The following KLHL26 variants were observed in gnomAD, a reference collection of about 807,000 sequenced individuals.
KLHL26 encodes the protein kelch-like protein 26.
In KLHL26, 4 loss-of-function variants were observed where a neutral mutation model predicts 7.1. That is an observed-to-expected ratio of 0.56 (90% CI 0.28 to 1.28). The LOEUF is 1.28. Among genes scored for constraint, KLHL26 ranks in the 50% most tolerant of loss-of-function variants. KLHL26 has a pLI of 0.11. For missense variants in KLHL26, 896 were observed against 924.6 expected, an observed-to-expected ratio of 0.97 and a Z score of 0.40; for synonymous variants, 465 against 414.1, an observed-to-expected ratio of 1.12 and a Z score of -1.49.
chr19:18,665,689 C>G (rs564715541), intron 2 of KLHL26, among the ~76,000 whole-genome samples: 2 of 152,356 alleles, frequency 1.3e-5, no homozygotes, highest in East Asian at 3.9e-4. Context: ...GAGAGCACCA[C>G]AGAGCAGGGC....
rs144575595 is a variant in KLHL26, at chr19:18,668,046, C to T, written c.649C>T (p.Arg217Trp). The change falls in exon 3 of 3, where the codon CGG becomes TGG. Residue 217 changes from arginine to tryptophan, a missense_variant. Coordinates refer to ENST00000300976, the MANE Select transcript of KLHL26 (RefSeq NM_018316.3). ...CCTGGTCTTCTTCCTGCAGAGCAAC[C>T]GGCTGCAGAGCTGTGCCGAGATCGA... is the stretch of plus-strand genomic sequence containing the variant. ...ERLVFFLQSNRLQSCAEIDLF... is the reference protein window; with the variant it reads ...ERLVFFLQSNWLQSCAEIDLF... 2.6e-5 allele frequency: 42 copies of T among 1,607,876 alleles called. No individual in the cohort carries two copies. Among genetic ancestry groups the T allele is most frequent in the Admixed American group, 1.0e-4 (6 of 60,004 alleles).
In KLHL26 at chr19:18,669,085, T is replaced by A. The variant is rs1228661664; in HGVS notation, c.1688T>A (p.Ile563Asn). The A allele has an allele frequency of 6.2e-7, 1 of 1,612,592 alleles. No individual in the cohort carries two copies. Among genetic ancestry groups the A allele is most frequent in the Non-Finnish European group, 8.5e-7 (1 of 1,179,930 alleles). The change falls in exon 3 of 3, where the codon ATC (isoleucine) becomes AAC (asparagine). Residue 563 changes from isoleucine (I) to asparagine (N), a missense_variant. Coordinates refer to ENST00000300976, the MANE Select transcript of KLHL26 (RefSeq NM_018316.3). ...GCCLLERKIY[I>N]VGGYNWRLNN... ...TGCCTGCTGGAGAGGAAGATCTACA[T>A]CGTCGGGGGCTACAACTGGCGTCTC...
At position 18,649,178 on chromosome 19, in the gene KLHL26, A is replaced by T. The variant is rs1230550128; in HGVS notation, c.83+12041A>T. Among the ~76,000 whole-genome samples, 1 of 152,134 alleles carries T rather than the reference A, an allele frequency of 6.6e-6. No homozygotes were observed. The highest frequency in any genetic ancestry group is 1.5e-5 in the Non-Finnish European group (1 of 68,034). On this transcript the variant is annotated intron_variant, in intron 1 of 2. Coordinates refer to ENST00000300976, the MANE Select transcript of KLHL26 (RefSeq NM_018316.3). The surrounding 1 kb of genome is among the most constrained non-coding windows in gnomAD (Gnocchi z 4.0). ...ACTGCTCGCCCTGTCGTCATGGTAC[A>T]TTCTCTGCTTGAGGACCCATGTCCC...
At chr19:18,637,923 C>T (rs1375171250) in intron 1 of KLHL26, among the ~76,000 whole-genome samples, 1 of 152,176 alleles carries the variant, frequency 6.6e-6, no homozygotes, top group Non-Finnish European at 1.5e-5. Flanking sequence ...CCCCATGGCC[C>T]AGTCCTGACA....
rs2145382199 is a variant in KLHL26, at chr19:18,649,853, TTCC to T, written c.83+12722_83+12724del. On this transcript the variant is annotated intron_variant, in intron 1 of 2. Transcript: ENST00000300976. The surrounding 1 kb of genome is among the most constrained non-coding windows in gnomAD (Gnocchi z 4.0). Reference sequence around the variant, plus strand: ...CGGCTGCGCCAGCAATTCCCTAGCATTCCTCCTCTGCAGAGTGGATTTTGGTGC... The same window carrying T: ...CGGCTGCGCCAGCAATTCCCTAGCATTCCTCTGCAGAGTGGATTTTGGTGC... Among the ~76,000 whole-genome samples, 1 of 152,120 alleles carries T rather than the reference TTCC, an allele frequency of 6.6e-6. No individual in the cohort carries two copies. Among genetic ancestry groups the T allele is most frequent in the Non-Finnish European group, 1.5e-5 (1 of 67,974 alleles).
chr19:18,651,504 A>T (rs763676559), intron 1 of KLHL26, among the ~76,000 whole-genome samples: 3 of 152,238 alleles, frequency 2.0e-5, no homozygotes, highest in Non-Finnish European at 2.9e-5. Flanking sequence ...CCTTATGAGA[A>T]GAGGGGAGGG....
chr19:18,652,604 A>C (rs2052272649), intron 1 of KLHL26, among the ~76,000 whole-genome samples: 1 of 150,632 alleles, frequency 6.6e-6, no homozygotes, highest in Non-Finnish European at 1.5e-5. Context: ...AAAAAAAAAA[A>C]AAAAGAGTTG....
chr19:18,652,168 G>T (rs1280157208), intron 1 of KLHL26, among the ~76,000 whole-genome samples: 2 of 152,170 alleles, frequency 1.3e-5, no homozygotes. Context: ...ATGAGCAAAG[G>T]TCCAGAGACA....
intron 1 of KLHL26, among the ~76,000 whole-genome samples, chr19:18,647,420 C>T (rs1196586745): frequency 6.6e-6 from 1 of 152,196 alleles, no homozygotes; most frequent in African/African-American, 2.4e-5. Flanking sequence ...GAGGCTTTCT[C>T]CTCACTCCAG....
rs199571792 is a variant in KLHL26, at chr19:18,667,740, C to T, written c.343C>T (p.Arg115Trp). 2.0e-5 allele frequency: 32 copies of T among 1,613,216 alleles called. No individual in the cohort carries two copies. The highest frequency in any genetic ancestry group is 5.3e-5 in the African/African-American group (4 of 75,074). The change falls in exon 3 of 3, where the codon CGG becomes TGG. Residue 115 changes from arginine to tryptophan, a missense_variant. By Grantham distance (101) the Arg-to-Trp change is moderately radical (BLOSUM62 -3). Transcript: ENST00000300976. ...ELKGVSARGL[R>W]HIIDFAYSAE... is the part of the protein sequence containing the mutation. ...GAAGGGCGTGTCGGCCCGTGGCCTGCGGCACATCATCGACTTCGCCTACAG... is the reference window on the plus strand; with the variant it reads ...GAAGGGCGTGTCGGCCCGTGGCCTGTGGCACATCATCGACTTCGCCTACAG...
At chr19:18,640,551 AT>A (rs56247740) in intron 1 of KLHL26, among the ~76,000 whole-genome samples, 6,388 of 96,466 alleles carry the variant, frequency 0.066, 47 homozygotes, top group African/African-American at 0.1. Flanking sequence ...CTATGTTTTA[AT>A]TTTTTTTTTT....
At chr19:18,645,161 G>A (rs1356796242) in intron 1 of KLHL26, among the ~76,000 whole-genome samples, 1 of 152,172 alleles carries the variant, frequency 6.6e-6, no homozygotes, top group Non-Finnish European at 1.5e-5. Flanking sequence ...CTTGCTGCAA[G>A]CACAAAGGAC....
chr19:18,644,027 C>T (rs1976760131), intron 1 of KLHL26, among the ~76,000 whole-genome samples: 1 of 152,212 alleles, frequency 6.6e-6, no homozygotes, highest in Admixed American at 6.5e-5. Context: ...TCCAAAACAT[C>T]TTTGTCCCCG....
At chr19:18,662,116 G>A (rs2052397508) in intron 1 of KLHL26, among the ~76,000 whole-genome samples, 1 of 152,118 alleles carries the variant, frequency 6.6e-6, no homozygotes, top group Non-Finnish European at 1.5e-5. Context: ...GGACTGAGTG[G>A]CCCCGTGGTG....
rs1471533794 is a variant in KLHL26 at position 18,668,099 on chromosome 19, G to C, written c.702G>C (p.Leu234=). Residue 234 remains leucine (L), a synonymous_variant, in exon 3 of 3, where the codon CTG becomes CTC. Transcript: ENST00000300976. The part of the protein sequence containing the change: ...IDLFRAAVRW[L]QHDPARRPRA... Reference sequence around the variant, plus strand: ...TGTTCCGCGCGGCCGTCCGCTGGCTGCAGCATGACCCGGCCCGGCGGCCGC... The same window carrying C: ...TGTTCCGCGCGGCCGTCCGCTGGCTCCAGCATGACCCGGCCCGGCGGCCGC... 9 of 1,604,138 alleles carry C rather than the reference G, an allele frequency of 5.6e-6. No individual in the cohort carries two copies. The highest frequency in any genetic ancestry group is 7.6e-6 in the Non-Finnish European group (9 of 1,179,620).
intron 1 of KLHL26, among the ~76,000 whole-genome samples, chr19:18,651,752 A>T (rs1383939936): frequency 6.6e-6 from 1 of 152,230 alleles, no homozygotes; most frequent in Non-Finnish European, 1.5e-5. Context: ...GACATGCTAG[A>T]ATTCAGCAGT....
At chr19:18,658,708 C>T (rs1409484050) in intron 1 of KLHL26, among the ~76,000 whole-genome samples, 1 of 150,244 alleles carries the variant, frequency 6.7e-6, no homozygotes, top group Non-Finnish European at 1.5e-5. Flanking sequence ...TTTCCCTCTC[C>T]CTCTGGATCT....
At position 18,668,746 on chromosome 19, in the gene KLHL26, C is replaced by T; in HGVS notation, c.1349C>T (p.Thr450Ile). ...TACGCCTGCTCGCTGAAGCGCCGTA[C>T]CTGGGGCCATGCTGGGGCCGCCTCA... The part of the protein sequence containing the change: ...WGYACSLKRR[T>I]WGHAGAASGG... The change falls in exon 3 of 3, where the codon ACC (threonine) becomes ATC (isoleucine). Residue 450 changes from threonine (T) to isoleucine (I), a missense_variant. Physicochemically the swap from Thr to Ile is moderately conservative, Grantham distance 89. Coordinates refer to ENST00000300976, the MANE Select transcript of KLHL26 (RefSeq NM_018316.3). The T allele has an allele frequency of 1.3e-6, 2 of 1,587,958 alleles. No individual in the cohort carries two copies. Among genetic ancestry groups the T allele is most frequent in the South Asian group, 1.1e-5 (1 of 89,142 alleles).
chr19:18,666,842 T>C (rs888437089), intron 2 of KLHL26, among the ~76,000 whole-genome samples: 6 of 152,196 alleles, frequency 3.9e-5, no homozygotes, highest in Non-Finnish European at 5.9e-5. Flanking sequence ...AAGGTGAGGG[T>C]TGAACTGTGG....
Sources: gnomAD v4.1 joint callset for allele counts (sites outside exome capture counted in the v4.1 genomes callset) on GRCh38, gnomAD v4.1.1 for gene constraint, Gnocchi (gnomAD v3.1) non-coding constraint, MANE v1.5 for transcripts, NCBI Gene and HGNC (gene_info 2026-07-23, HGNC 2026-07-21) for gene names.